PRSS3: variants seen among roughly 807,000 people sequenced by gnomAD.
PRSS3 encodes trypsin-3.
Under a neutral mutation model 20.8 loss-of-function variants are expected in PRSS3, and 14 were observed. That is an observed-to-expected ratio of 0.67 (90% CI 0.44 to 1.05). PRSS3 has a LOEUF of 1.05. PRSS3 is among the 50% of genes least tolerant of loss of function. The pLI is 0.00. For synonymous variants in PRSS3, 91 were observed against 117.6 expected (o/e 0.77, Z 1.46); for missense variants, 237 against 306.4 (o/e 0.77, Z 1.69).
At chr9:33,778,631 T>C (rs2790732) in intron 1 of PRSS3, among the ~76,000 whole-genome samples, 35,498 of 152,170 alleles carry the variant, frequency 0.23, 4,623 homozygotes, top group South Asian at 0.4. Flanking sequence ...AAGACTTGTA[T>C]ACAGAAAAAT....
chr9:33,780,250 T>C (rs1587387003), intron 1 of PRSS3, among the ~76,000 whole-genome samples: 1 of 152,100 alleles, frequency 6.6e-6, no homozygotes, highest in East Asian at 1.9e-4. Flanking sequence ...CCAGAAGAGA[T>C]TGGGAGACTA....
intron 1 of PRSS3, among the ~76,000 whole-genome samples, chr9:33,757,489 T>TCC (rs1461358760): frequency 2.9e-5 from 4 of 135,908 alleles, no homozygotes; most frequent in South Asian, 4.6e-4. Context: ...TTTTTTTTTT[T>TCC]CCCTGGGAAA....
upstream of PRSS3, among the ~76,000 whole-genome samples, chr9:33,791,286 T>C (rs568844174): frequency 1.2e-3 from 176 of 152,322 alleles, 2 homozygotes; most frequent in South Asian, 9.9e-3. Context: ...GGGTGGAAGG[T>C]TCTCAATTGG....
chr9:33,799,231 ACT>A, downstream of PRSS3: 2 of 1,596,082 alleles, frequency 1.3e-6, no homozygotes, highest in Non-Finnish European at 1.7e-6. Context: ...CCCTGCTCTC[ACT>A]CTGTGTCTGT....
upstream of PRSS3, among the ~76,000 whole-genome samples, chr9:33,791,865 C>T (rs1026094628): frequency 6.6e-5 from 10 of 152,168 alleles, no homozygotes; most frequent in Non-Finnish European, 1.0e-4. Flanking sequence ...AACTTCCCTC[C>T]GGGCATAAAA....
At chr9:33,782,492 T>C (rs1180925808) in intron 1 of PRSS3, among the ~76,000 whole-genome samples, 1 of 152,234 alleles carries the variant, frequency 6.6e-6, no homozygotes, top group African/African-American at 2.4e-5. Context: ...GCACTCTTTT[T>C]CAGTTCTGCT....
At chr9:33,786,485 A>C (rs1229695586) in intron 1 of PRSS3, 1 of 736,068 alleles carries the variant, frequency 1.4e-6, no homozygotes, top group Non-Finnish European at 2.5e-6. Context: ...TTCCCGTCTG[A>C]CCCCAAGCTT....
chr9:33,772,261 T>A (rs890210027), intron 1 of PRSS3, among the ~76,000 whole-genome samples: 1 of 152,140 alleles, frequency 6.6e-6, no homozygotes, highest in African/African-American at 2.4e-5. Flanking sequence ...TGCTGTCTTC[T>A]CCCTTCAGGA....
rs1282434400 is a variant in PRSS3, at chr9:33,787,328, T to G, written c.-52-7418T>G. ...TTATAAAGCCCTCTAGATGCCTCAG[T>G]ATGACAATATGACACATGCATCCCA... On this transcript the variant is annotated intron_variant, in intron 1 of 5. Coordinates refer to the PRSS3 transcript ENST00000342836. 1.3e-5 allele frequency among the ~76,000 whole-genome samples: 2 copies of G among 152,212 alleles called. 1 individual carries two copies. Among genetic ancestry groups the G allele is most frequent in the Non-Finnish European group, 2.9e-5 (2 of 68,028 alleles).
chr9:33,779,299 G>A (rs1824075849), intron 1 of PRSS3, among the ~76,000 whole-genome samples: 1 of 152,214 alleles, frequency 6.6e-6, no homozygotes, highest in Non-Finnish European at 1.5e-5. Flanking sequence ...AGCTCATTGA[G>A]ATTCAGAAGA....
intron 1 of PRSS3, among the ~76,000 whole-genome samples, chr9:33,767,685 C>T (rs1184195176): frequency 2.0e-5 from 3 of 152,154 alleles, no homozygotes; most frequent in South Asian, 4.2e-4. Context: ...ATTAGCCAGG[C>T]GTGGTTGCAG....
intron 1 of PRSS3, among the ~76,000 whole-genome samples, chr9:33,771,416 A>C (rs1437273474): frequency 1.3e-5 from 2 of 148,740 alleles, no homozygotes; most frequent in Non-Finnish European, 3.0e-5. Context: ...ACCTCTGCCT[A>C]CTGGGTTCAA....
intron 1 of PRSS3, among the ~76,000 whole-genome samples, chr9:33,769,668 C>A (rs1823595961): frequency 6.6e-6 from 1 of 152,244 alleles, no homozygotes; most frequent in Admixed American, 6.5e-5. Context: ...CAGGTTGCTA[C>A]TGCCACCTTG....
chr9:33,789,490 A>G (rs1457008264), intron 1 of PRSS3, among the ~76,000 whole-genome samples: 1 of 152,106 alleles, frequency 6.6e-6, no homozygotes, highest in African/African-American at 2.4e-5. Context: ...TGTTTCTAGG[A>G]TTAGTTTTCT....
chr9:33,783,404 G>A (rs2119006612), intron 1 of PRSS3, among the ~76,000 whole-genome samples: 1 of 152,338 alleles, frequency 6.6e-6, no homozygotes, highest in Admixed American at 6.5e-5. Context: ...CTGCTTAGAA[G>A]TGAAGTATGC....
chr9:33,764,253 G>A (rs1293278891), intron 1 of PRSS3, among the ~76,000 whole-genome samples: 2 of 152,220 alleles, frequency 1.3e-5, no homozygotes, highest in African/African-American at 4.8e-5. Context: ...AAATAGATCA[G>A]AGGTCAGGTG....
At chr9:33,771,873 C>CTTT (rs74178902) in intron 1 of PRSS3, among the ~76,000 whole-genome samples, 3 of 128,296 alleles carry the variant, frequency 2.3e-5, no homozygotes, top group African/African-American at 2.9e-5. Flanking sequence ...TCTTTCTTTT[C>CTTT]TTTTTTTTTT....
At chr9:33,759,525 G>A (rs1034023121) in intron 1 of PRSS3, among the ~76,000 whole-genome samples, 1 of 152,150 alleles carries the variant, frequency 6.6e-6, no homozygotes, top group Non-Finnish European at 1.5e-5. Context: ...ATGGCTCCCA[G>A]GATTCTGGCT....
chr9:33,796,736 C>T lies in PRSS3; in HGVS notation c.134C>T (p.Ser45Phe). 3.7e-6 allele frequency: 6 copies of T among 1,609,502 alleles called. No individual in the cohort carries two copies. The South Asian group carries it at 5.5e-5, about 15-fold the overall frequency. ...LPYQVSLNSG[S>F]HFCGGSLISE... ...TACCAGGTGTCCCTGAATTCTGGCT[C>T]CCACTTCTGCGGTGGCTCCCTCATC... The change falls in exon 2 of 5, where the codon TCC (serine) becomes TTC (phenylalanine). Residue 45 changes from serine (S) to phenylalanine (F), a missense_variant. Physicochemically the swap from Ser to Phe is radical, Grantham distance 155. Transcript: ENST00000379405.
Sources: gnomAD v4.1 joint callset for allele counts (sites outside exome capture counted in the v4.1 genomes callset) on GRCh38, gnomAD v4.1.1 for gene constraint, MANE v1.5 for transcripts, NCBI Gene and HGNC (gene_info 2026-07-23, HGNC 2026-07-21) for gene names.